Variants in GRAMD1B observed in about 807,000 individuals in gnomAD.
The protein encoded by GRAMD1B is protein Aster-B.
GRAMD1B carries 37 observed loss-of-function variants against 99.7 expected under a neutral mutation model. That is an observed-to-expected ratio of 0.37 (90% CI 0.29 to 0.49). The LOEUF is 0.49. GRAMD1B is among the 20% of genes least tolerant of loss of function. The pLI, the probability that GRAMD1B is intolerant of heterozygous loss-of-function variation, is 0.98. For synonymous variants in GRAMD1B, 427 were observed against 387.6 expected (o/e 1.10, Z -1.19); for missense variants, 888 against 1,009.2 (o/e 0.88, Z 1.63).
chr11:123,605,661 T>G (rs1248623518), intron 10 of GRAMD1B, among the ~76,000 whole-genome samples, 183 bp downstream of exon 10: 6 of 152,254 alleles, frequency 3.9e-5, no homozygotes, highest in African/African-American at 1.2e-4. Context: ...TAGCCCGGGG[T>G]CCAGAGCTGG....
intron 1 of GRAMD1B, among the ~76,000 whole-genome samples, chr11:123,441,606 A>AC (rs1303148214): frequency 2.6e-5 from 4 of 151,742 alleles, no homozygotes; most frequent in African/African-American, 7.3e-5. Context: ...ACATAGTGAG[A>AC]CCCCCACCTC....
rs928211452 is a variant in GRAMD1B at position 123,492,161 on chromosome 11, G to A, written c.452+11268G>A. Among the ~76,000 whole-genome samples the A allele has an allele frequency of 1.3e-5, 2 of 152,278 alleles. No homozygotes were observed. Among genetic ancestry groups the A allele is most frequent in the Admixed American group, 6.5e-5 (1 of 15,302 alleles). On this transcript the variant is annotated intron_variant, in intron 2 of 19. Transcript: ENST00000635736. The surrounding 1 kb of genome is among the most constrained non-coding windows in gnomAD (Gnocchi z 4.2). ...CTCACTGTGTGCCTCCCAACGAGGTGCCTTGGCCTCCGGGTCCTTCTTCAT... is the reference window on the plus strand; with the variant it reads ...CTCACTGTGTGCCTCCCAACGAGGTACCTTGGCCTCCGGGTCCTTCTTCAT...
chr11:123,531,710 G>GGACT (rs1943393785), intron 2 of GRAMD1B, among the ~76,000 whole-genome samples: 1 of 150,338 alleles, frequency 6.7e-6, no homozygotes, highest in Admixed American at 6.6e-5. Flanking sequence ...AGGATGTGAC[G>GGACT]GACTACATAT....
chr11:123,361,664 C>T (rs1946150292), intron 1 of GRAMD1B, among the ~76,000 whole-genome samples: 1 of 152,148 alleles, frequency 6.6e-6, no homozygotes, highest in African/African-American at 2.4e-5. Context: ...TATGTACAAA[C>T]CAGAAACACT....
intron 4 of GRAMD1B, among the ~76,000 whole-genome samples, chr11:123,584,937 G>A (rs1850327014): frequency 6.6e-6 from 1 of 152,172 alleles, no homozygotes. Context: ...TGTGGGGTAA[G>A]CAGGCCTGGC....
intron 1 of GRAMD1B, among the ~76,000 whole-genome samples, chr11:123,424,170 G>GC (rs1257651287): frequency 6.7e-6 from 1 of 150,062 alleles, no homozygotes; most frequent in Non-Finnish European, 1.5e-5. Context: ...GTTCCCATCT[G>GC]CTTTTTTCTC....
chr11:123,602,326 A>ATTATTATTT (rs1337730186), intron 8 of GRAMD1B, among the ~76,000 whole-genome samples: 1 of 151,096 alleles, frequency 6.6e-6, no homozygotes, highest in Non-Finnish European at 1.5e-5. Context: ...TATTATTGTT[A>ATTATTATTT]TTTTTACTCC....
intron 1 of GRAMD1B, among the ~76,000 whole-genome samples, chr11:123,383,205 GCTCTCTCTCT>G (rs55890434): frequency 0.44 from 63,940 of 146,888 alleles, 17,388 homozygotes; most frequent in African/African-American, 0.8. Flanking sequence ...TCAGAGTCTT[GCTCTCTCTCT>G]CTCTCTCTCT....
rs748832694 is a variant in GRAMD1B, at chr11:123,605,415, G to A, written c.1260G>A (p.Leu420=). ...IETKPDASPQ[L]PKKSITNSTL... is the part of the protein sequence containing the mutation. ...CCAAGCCAGATGCCAGTCCACAGCTGCCCAAGAAATCCATCACCAACAGCA... is the reference window on the plus strand; with the variant it reads ...CCAAGCCAGATGCCAGTCCACAGCTACCCAAGAAATCCATCACCAACAGCA... Residue 420 remains leucine, a synonymous_variant, in exon 10 of 20, where the codon CTG becomes CTA. Coordinates refer to ENST00000635736, the MANE Select transcript of GRAMD1B (RefSeq NM_001387025.1). 1 of 1,613,562 alleles carries A rather than the reference G, an allele frequency of 6.2e-7. No homozygotes were observed. The highest frequency in any genetic ancestry group is 8.5e-7 in the Non-Finnish European group (1 of 1,179,636).
intron 2 of GRAMD1B, chr11:123,491,911 A>G (rs1390759223): frequency 2.5e-6 from 1 of 399,118 alleles, no homozygotes; most frequent in Non-Finnish European, 4.4e-6. Context: ...CAGGCTTGTC[A>G]CTACCACGTC....
At chr11:123,596,970 G>A (rs1951345908) in intron 7 of GRAMD1B, among the ~76,000 whole-genome samples, 1 of 152,100 alleles carries the variant, frequency 6.6e-6, no homozygotes, top group Non-Finnish European at 1.5e-5. Flanking sequence ...GAGAACATGT[G>A]AATATTAGCT....
At chr11:123,468,380 G>A (rs928226397) in intron 1 of GRAMD1B, among the ~76,000 whole-genome samples, 10 of 152,074 alleles carry the variant, frequency 6.6e-5, no homozygotes, top group Admixed American at 1.3e-4. Context: ...TAGGCACTGT[G>A]GGTGGAAAAA....
intron 16 of GRAMD1B, among the ~76,000 whole-genome samples, chr11:123,614,210 T>C (rs577555410): frequency 6.6e-6 from 1 of 152,292 alleles, no homozygotes; most frequent in East Asian, 1.9e-4. Flanking sequence ...TTGAGTTGGA[T>C]ATGGACAGGG....
At chr11:123,580,233 A>G (rs563592461) in intron 3 of GRAMD1B, among the ~76,000 whole-genome samples, 1 of 152,312 alleles carries the variant, frequency 6.6e-6, no homozygotes, top group African/African-American at 2.4e-5. Context: ...TCAGAAGAGG[A>G]ACACAAGAAC....
At chr11:123,481,129 G>A (rs1353869513) in intron 2 of GRAMD1B, among the ~76,000 whole-genome samples, 2 of 152,170 alleles carry the variant, frequency 1.3e-5, no homozygotes, top group Non-Finnish European at 1.5e-5. Flanking sequence ...AGCAAAAGAA[G>A]TCAACGTGTG....
intron 8 of GRAMD1B, among the ~76,000 whole-genome samples, chr11:123,602,150 G>A (rs1440430642): frequency 1.3e-5 from 2 of 152,216 alleles, no homozygotes; most frequent in East Asian, 3.9e-4. Flanking sequence ...GAGAGCTGCG[G>A]CCCCCAACTC....
Position 123,513,601 on chromosome 11 carries a change from C to CTTTCTTTCTTTCTTTCTTTCTTT in GRAMD1B, c.452+32708_452+32709insTTTCTTTCTTTCTTTCTTTCTTT, listed in dbSNP as rs1591772451. 5.1e-3 allele frequency among the ~76,000 whole-genome samples: 189 copies of CTTTCTTTCTTTCTTTCTTTCTTT among 37,330 alleles called. 1 individual carries two copies. The highest frequency in any genetic ancestry group is 0.012 in the African/African-American group (179 of 14,434). The allele number at this position is 37,330 out of a possible 152,430, so 24.5% of individuals were successfully genotyped here. A position where few individuals can be genotyped will look rare whatever the true frequency, so the allele number is the denominator to read the frequency against. On this transcript the variant is annotated intron_variant, in intron 2 of 19. Coordinates refer to ENST00000635736, the MANE Select transcript of GRAMD1B (RefSeq NM_001387025.1). The stretch of plus-strand genomic sequence containing the variant: ...CCTTTCCTTCCTTCCTTCCTTCCTT[C>CTTTCTTTCTTTCTTTCTTTCTTT]CTTCCTTCCTTCCTTCCTTTCTTTC...
At chr11:123,438,826 G>A (rs1949280832) in intron 1 of GRAMD1B, among the ~76,000 whole-genome samples, 1 of 152,144 alleles carries the variant, frequency 6.6e-6, no homozygotes, top group Non-Finnish European at 1.5e-5. Flanking sequence ...TTGCTTCTAG[G>A]GTAACGCAGA....
In GRAMD1B at chr11:123,430,615, C is replaced by T; in HGVS notation, c.-178C>T. On this transcript the variant is annotated 5_prime_UTR_variant, in exon 1 of 20. Coordinates refer to ENST00000635736, the MANE Select transcript of GRAMD1B (RefSeq NM_001387025.1). ...CGAAAAGTTAGACTCCGGGCGGCGGCGCGCTACGCCGCGTCCCCTCGCGTC... is the reference window on the plus strand; with the variant it reads ...CGAAAAGTTAGACTCCGGGCGGCGGTGCGCTACGCCGCGTCCCCTCGCGTC... The T allele has an allele frequency of 8.4e-6, 4 of 474,226 alleles. No individual in the cohort carries two copies. The highest frequency in any genetic ancestry group is 1.5e-5 in the Non-Finnish European group (4 of 270,482). 29.4% of individuals were successfully genotyped at this position (474,226 alleles called of 1,614,324 possible). A position where few individuals can be genotyped will look rare whatever the true frequency, so the allele number is the denominator to read the frequency against.
Sources: allele counts gnomAD v4.1 joint callset (sites outside exome capture counted in the v4.1 genomes callset), GRCh38; gene constraint gnomAD v4.1.1; non-coding constraint Gnocchi (gnomAD v3.1); transcripts MANE v1.5; gene names NCBI Gene and HGNC (gene_info 2026-07-23, HGNC 2026-07-21).